The following CADM2 variants were observed in gnomAD, a reference collection of about 807,000 sequenced individuals.
CADM2 encodes immunoglobulin superfamily member 4D.
A neutral mutation model predicts 49.8 loss-of-function variants in CADM2; 12 were observed. The ratio of observed to expected loss-of-function variants is 0.24; its 90% CI spans 0.15 to 0.39. CADM2 has a LOEUF of 0.39. CADM2 is among the 10% of genes least tolerant of loss of function. CADM2 has a pLI of 1.00. For missense variants in CADM2, 378 were observed against 492.3 expected (o/e 0.77, Z 2.20); for synonymous variants, 214 against 175.4 (o/e 1.22, Z -1.74).
chr3:84,995,424 G>A (rs2033124155), intron 1 of CADM2, among the ~76,000 whole-genome samples: 1 of 152,190 alleles, frequency 6.6e-6, no homozygotes, highest in Non-Finnish European at 1.5e-5. Context: ...CATTAAGAGA[G>A]AATTTTCCCT....
intron 5 of CADM2, among the ~76,000 whole-genome samples, chr3:85,894,492 A>G (rs1352992021): frequency 6.6e-6 from 1 of 151,974 alleles, no homozygotes; most frequent in Admixed American, 6.6e-5. Context: ...AACTTAAAGT[A>G]TAAAAAAAAA....
chr3:85,351,386 A>G (rs868174967), intron 1 of CADM2, among the ~76,000 whole-genome samples: 1 of 152,224 alleles, frequency 6.6e-6, no homozygotes, highest in African/African-American at 2.4e-5. Context: ...GGCATAACGT[A>G]TAATTAAAGA....
chr3:85,235,951 A>G (rs374460054), intron 1 of CADM2, among the ~76,000 whole-genome samples: 1 of 152,128 alleles, frequency 6.6e-6, no homozygotes, highest in African/African-American at 2.4e-5. Context: ...ATTAGGGTAT[A>G]TGGTCTGTAT....
rs114261367 is a variant in CADM2 at position 85,192,767 on chromosome 3, G to T, written c.61+233099G>T. Reference sequence around the variant, plus strand: ...AGACTGACATGGAGCAAGAGAAAAGGTGTAACTACAAGATTTAACTTACTA... The same window carrying T: ...AGACTGACATGGAGCAAGAGAAAAGTTGTAACTACAAGATTTAACTTACTA... On this transcript the variant is annotated intron_variant, in intron 1 of 9. Transcript: ENST00000383699. Among the ~76,000 whole-genome samples the T allele has an allele frequency of 6.3e-3, 964 of 152,042 alleles. 7 individuals carry two copies. Among genetic ancestry groups the T allele is most frequent in the Admixed American group, 0.013 (192 of 15,218 alleles).
intron 1 of CADM2, among the ~76,000 whole-genome samples, chr3:85,619,823 C>T (rs1224708796): frequency 1.3e-5 from 2 of 152,140 alleles, no homozygotes; most frequent in East Asian, 3.9e-4. Context: ...CTTCTCAATG[C>T]ATGCCAGTGC....
At chr3:85,126,450 C>T (rs1002277352) in intron 1 of CADM2, among the ~76,000 whole-genome samples, 23 of 151,902 alleles carry the variant, frequency 1.5e-4, no homozygotes, top group Admixed American at 3.3e-4. Flanking sequence ...TTAGGGAGTT[C>T]GGCAGTTCAC....
At chr3:85,701,898 TAGATAGATAGA>T (rs1559601673) in intron 1 of CADM2, among the ~76,000 whole-genome samples, 37 of 125,652 alleles carry the variant, frequency 2.9e-4, no homozygotes, top group African/African-American at 9.6e-4. Context: ...GATAGATAGA[TAGATAGATAGA>T]TATAAAGAAA....
At chr3:85,464,114 T>G (rs549361736) in intron 1 of CADM2, among the ~76,000 whole-genome samples, 1 of 152,282 alleles carries the variant, frequency 6.6e-6, no homozygotes, top group South Asian at 2.1e-4. Flanking sequence ...GCTCTGAAAA[T>G]AATTTTGGTG....
chr3:85,275,487 A>T (rs1198411612), intron 1 of CADM2, among the ~76,000 whole-genome samples: 2 of 151,468 alleles, frequency 1.3e-5, no homozygotes, highest in Non-Finnish European at 3.0e-5. Context: ...AGGTAAGTAG[A>T]TACTCATGTA....
chr3:85,432,780 A>G (rs2036740849), intron 1 of CADM2, among the ~76,000 whole-genome samples: 1 of 152,116 alleles, frequency 6.6e-6, no homozygotes, highest in East Asian at 1.9e-4. Context: ...TTTGCATTCC[A>G]TTCTCATAGG....
chr3:85,803,299 A>G (rs566798563), intron 3 of CADM2, among the ~76,000 whole-genome samples: 2 of 152,278 alleles, frequency 1.3e-5, no homozygotes, highest in East Asian at 3.9e-4. Flanking sequence ...ATTAGGGAGC[A>G]GGAAGTTCAT....
intron 4 of CADM2, among the ~76,000 whole-genome samples, chr3:85,884,936 A>C (rs1168539335): frequency 4.7e-5 from 7 of 147,916 alleles, no homozygotes; most frequent in African/African-American, 1.5e-4. Context: ...GGGTTTCACC[A>C]TGTTGGCCAA....
intron 1 of CADM2, among the ~76,000 whole-genome samples, chr3:85,189,205 C>G (rs998773960): frequency 6.6e-6 from 1 of 151,706 alleles, no homozygotes; most frequent in African/African-American, 2.4e-5. Flanking sequence ...GTAAGTGGAG[C>G]CATGTAGGAT....
intron 1 of CADM2, among the ~76,000 whole-genome samples, chr3:85,404,318 T>A (rs2035267908): frequency 6.6e-6 from 1 of 152,128 alleles, no homozygotes; most frequent in South Asian, 2.1e-4. Context: ...ACAACTTTAA[T>A]GATTGTTTAC....
chr3:84,967,247 G>A (rs1333725271), intron 1 of CADM2, among the ~76,000 whole-genome samples: 1 of 152,002 alleles, frequency 6.6e-6, no homozygotes, highest in African/African-American at 2.4e-5. Context: ...AAAATTGTTT[G>A]TATTCTAAAA....
intron 3 of CADM2, among the ~76,000 whole-genome samples, chr3:85,827,254 C>T (rs1191429738): frequency 6.6e-6 from 1 of 151,924 alleles, no homozygotes; most frequent in Non-Finnish European, 1.5e-5. Flanking sequence ...ATCTTGATAG[C>T]TCTCTAGCAG....
intron 1 of CADM2, among the ~76,000 whole-genome samples, chr3:85,248,621 A>G (rs2042704654): frequency 6.6e-6 from 1 of 152,162 alleles, no homozygotes; most frequent in African/African-American, 2.4e-5. Flanking sequence ...TATTACGTGA[A>G]TGTTCATTAA....
intron 1 of CADM2, among the ~76,000 whole-genome samples, chr3:85,010,500 A>C (rs2033936101): frequency 6.6e-6 from 1 of 152,170 alleles, no homozygotes; most frequent in Admixed American, 6.5e-5. Flanking sequence ...CCATAATTCT[A>C]TTACTGACTT....
At chr3:86,041,415 A>T (rs1332564887) in intron 8 of CADM2, among the ~76,000 whole-genome samples, 3 of 152,182 alleles carry the variant, frequency 2.0e-5, no homozygotes, top group East Asian at 3.9e-4. Context: ...AAACAAAAAA[A>T]GGCAGGGGTT....
Sources: gnomAD v4.1 joint callset for allele counts (sites outside exome capture counted in the v4.1 genomes callset) on GRCh38, gnomAD v4.1.1 for gene constraint, MANE v1.5 for transcripts, NCBI Gene and HGNC (gene_info 2026-07-23, HGNC 2026-07-21) for gene names.